Variants in PXT1 observed in about 807,000 individuals in gnomAD.
The protein encoded by PXT1 is peroxisomal testis enriched protein 1.
A neutral mutation model predicts 11.0 loss-of-function variants in PXT1; 11 were observed. The observed-to-expected ratio is 1.00, with a 90% CI of 0.63 to 1.66. The LOEUF is 1.66. PXT1 is among the 40% of genes most tolerant of loss of function. PXT1 has a pLI of 0.00. For missense variants in PXT1, 141 were observed against 155.5 expected, an observed-to-expected ratio of 0.91 and a Z score of 0.49; for synonymous variants, 43 against 51.4, an observed-to-expected ratio of 0.84 and a Z score of 0.70.
Position 36,405,770 on chromosome 6 carries a change from T to A in PXT1, c.170-5186A>T, listed in dbSNP as rs547833021. On this transcript the variant is annotated intron_variant, in intron 3 of 4. Transcript: ENST00000454782. ...AATTTATGGTATAAAAGATAACCAC[T>A]TTTTACTTTTTATACCATATTTTTA... Among the ~76,000 whole-genome samples, 108 of 152,308 alleles carry A rather than the reference T, an allele frequency of 7.1e-4. 2 individuals are homozygous for A. Among genetic ancestry groups the A allele is most frequent in the Admixed American group, 5.6e-3 (85 of 15,286 alleles).
intron 2 of PXT1, among the ~76,000 whole-genome samples, chr6:36,437,831 T>TC (rs1774789385): frequency 7.1e-6 from 1 of 141,808 alleles, no homozygotes; most frequent in Admixed American, 7.1e-5. Flanking sequence ...TTTTTTTTTT[T>TC]TTTTTTTTTT....
At chr6:36,435,489 G>C (rs1200699817) in intron 2 of PXT1, among the ~76,000 whole-genome samples, 53 of 152,226 alleles carry the variant, frequency 3.5e-4, no homozygotes, top group Non-Finnish European at 1.8e-4. Context: ...TTGAGCCCAG[G>C]AGTTCCAGGC....
At chr6:36,429,508 C>CTTTTTTTTTT (rs112777415) in intron 2 of PXT1, among the ~76,000 whole-genome samples, 15 of 108,178 alleles carry the variant, frequency 1.4e-4, no homozygotes, top group African/African-American at 4.5e-4. Flanking sequence ...TTTTTCTTTT[C>CTTTTTTTTTT]TTTTTTTTTT....
chr6:36,441,444 A>T (rs1256899489), intron 1 of PXT1, among the ~76,000 whole-genome samples: 1 of 152,154 alleles, frequency 6.6e-6, no homozygotes, highest in Non-Finnish European at 1.5e-5. Context: ...AGTCAGGTTG[A>T]GCCTGGTGAC....
chr6:36,425,333 T>G (rs1189614477), intron 3 of PXT1, among the ~76,000 whole-genome samples: 2 of 152,212 alleles, frequency 1.3e-5, no homozygotes, highest in Non-Finnish European at 2.9e-5. Context: ...TTGATCTATT[T>G]TAGCCCATTT....
intron 3 of PXT1, among the ~76,000 whole-genome samples, chr6:36,423,044 C>G (rs1774545055): frequency 6.6e-6 from 1 of 152,156 alleles, no homozygotes; most frequent in Non-Finnish European, 1.5e-5. Context: ...GAAAATGTGG[C>G]TTTGAATTCC....
At position 36,391,391 on chromosome 6, in the gene PXT1, A is replaced by G. The variant is rs1237637085; in HGVS notation, c.*379T>C. 5 of 212,762 alleles carry G rather than the reference A, an allele frequency of 2.4e-5. No individual in the cohort carries two copies. The highest frequency in any genetic ancestry group is 4.8e-5 in the African/African-American group (2 of 42,004). The allele number at this position is 212,762 out of a possible 1,614,324, so 13.2% of individuals were successfully genotyped here. A position where few individuals can be genotyped will look rare whatever the true frequency, so the allele number is the denominator to read the frequency against. On this transcript the variant is annotated 3_prime_UTR_variant, in exon 5 of 5. Coordinates refer to ENST00000454782, the MANE Select transcript of PXT1 (RefSeq NM_152990.4). ...GTGCCCAGGGAGTGGGCCAGGAGGT[A>G]GTGCCCATTTCTGTGGCCTTTAGTT...
At chr6:36,433,404 T>C (rs1774719731) in intron 2 of PXT1, among the ~76,000 whole-genome samples, 1 of 151,798 alleles carries the variant, frequency 6.6e-6, no homozygotes. Context: ...ACCTTGGAGA[T>C]TGTTATAATT....
At chr6:36,413,836 A>G (rs1774409799) in intron 3 of PXT1, among the ~76,000 whole-genome samples, 1 of 152,066 alleles carries the variant, frequency 6.6e-6, no homozygotes, top group Non-Finnish European at 1.5e-5. Context: ...CATCTGTACA[A>G]AAAAATTTAA....
chr6:36,428,309 A>T (rs1159434925), intron 2 of PXT1, among the ~76,000 whole-genome samples: 2 of 151,012 alleles, frequency 1.3e-5, no homozygotes, highest in African/African-American at 2.4e-5. Flanking sequence ...GCCAGGCGTG[A>T]TGGCACGCAC....
At chr6:36,413,200 C>T (rs1017483672) in intron 3 of PXT1, among the ~76,000 whole-genome samples, 3 of 152,004 alleles carry the variant, frequency 2.0e-5, no homozygotes, top group Non-Finnish European at 4.4e-5. Flanking sequence ...GGGCGGATCA[C>T]GAGGTCAGGA....
rs569430773 is a variant in PXT1 at position 36,430,875 on chromosome 6, C to T, written c.-9-4784G>A. 5.3e-5 allele frequency among the ~76,000 whole-genome samples: 8 copies of T among 152,072 alleles called. No homozygotes were observed. The South Asian group carries it at 6.2e-4, about 12-fold the overall frequency. On this transcript the variant is annotated intron_variant, in intron 2 of 4. Transcript: ENST00000454782. ...AGTGGCCCAAGCTGGAGTGCAGTGCCGCGATCTTGGCTCACTGCAACTTCC... is the reference window on the plus strand; with the variant it reads ...AGTGGCCCAAGCTGGAGTGCAGTGCTGCGATCTTGGCTCACTGCAACTTCC...
intron 3 of PXT1, among the ~76,000 whole-genome samples, chr6:36,412,216 G>C (rs1464952049): frequency 2.6e-5 from 4 of 151,834 alleles, no homozygotes; most frequent in African/African-American, 9.7e-5. Flanking sequence ...GCCAGGCGTG[G>C]TGGCGTGCAC....
In PXT1 at chr6:36,427,222, T is replaced by G. The variant is rs190777845; in HGVS notation, c.-9-1131A>C. ...TTCACCATATTGGCCAGGCTGGTCT[T>G]AAACTGCTGACCTCGTGATCTGCCC... On this transcript the variant is annotated intron_variant, in intron 2 of 4. Coordinates refer to ENST00000454782, the MANE Select transcript of PXT1 (RefSeq NM_152990.4). Among the ~76,000 whole-genome samples, 991 of 152,088 alleles carry G rather than the reference T, an allele frequency of 6.5e-3. 4 individuals carry two copies. The highest frequency in any genetic ancestry group is 0.016 in the South Asian group (79 of 4,816).
chr6:36,425,808 ATAT>A (rs1561932394), intron 3 of PXT1, 103 bp downstream of exon 3: 14 of 158,446 alleles, frequency 8.8e-5, no homozygotes, highest in African/African-American at 4.2e-4. Flanking sequence ...AACAAAAAAT[ATAT>A]ATATATATAT....
intron 3 of PXT1, among the ~76,000 whole-genome samples, chr6:36,423,790 T>C (rs1774561131): frequency 6.6e-6 from 1 of 152,094 alleles, no homozygotes; most frequent in Non-Finnish European, 1.5e-5. Flanking sequence ...AGACAGCACT[T>C]TATTGGAAGA....
At position 36,408,582 on chromosome 6, in the gene PXT1, GA is replaced by G. The variant is rs957388993; in HGVS notation, c.170-7999del. Among the ~76,000 whole-genome samples, 30 of 134,222 alleles carry G rather than the reference GA, an allele frequency of 2.2e-4. 1 individual carries two copies. The East Asian group carries it at 3.8e-3, about 17-fold the overall frequency. The allele number at this position is 134,222 out of a possible 152,430, so 88.1% of individuals were successfully genotyped here. On this transcript the variant is annotated intron_variant, in intron 3 of 4. Coordinates refer to ENST00000454782, the MANE Select transcript of PXT1 (RefSeq NM_152990.4). Reference sequence around the variant, plus strand: ...ACTTGGTTAATCTTTTCTCAAAAAAGAAAAAAAAATTTTTTGTAGGTCAGGT... The same window carrying G: ...ACTTGGTTAATCTTTTCTCAAAAAAGAAAAAAAATTTTTTGTAGGTCAGGT...
At chr6:36,408,492 C>T (rs1018220152) in intron 3 of PXT1, among the ~76,000 whole-genome samples, 1 of 151,666 alleles carries the variant, frequency 6.6e-6, no homozygotes, top group African/African-American at 2.4e-5. Flanking sequence ...ACTCCTGGCT[C>T]AAGTGATCCT....
intron 3 of PXT1, among the ~76,000 whole-genome samples, chr6:36,417,971 C>T (rs1344528822): frequency 2.0e-5 from 3 of 151,606 alleles, no homozygotes; most frequent in Non-Finnish European, 4.4e-5. Flanking sequence ...CTGAGGCGGG[C>T]GGATCACAAG....
Sources: allele counts gnomAD v4.1 joint callset (sites outside exome capture counted in the v4.1 genomes callset), GRCh38; gene constraint gnomAD v4.1.1; transcripts MANE v1.5; gene names NCBI Gene and HGNC (gene_info 2026-07-23, HGNC 2026-07-21).